TRAPPC3L: variants seen among roughly 807,000 people sequenced by gnomAD.
TRAPPC3L encodes trafficking protein particle complex subunit 3L, also known as trafficking protein particle complex subunit 3-like protein.
In TRAPPC3L, 23 loss-of-function variants were observed where a neutral mutation model predicts 23.7. The ratio of observed to expected loss-of-function variants is 0.97; its 90% confidence interval spans 0.70 to 1.37. TRAPPC3L has a LOEUF of 1.37. Among genes scored for constraint, TRAPPC3L ranks in the 40% most tolerant of loss-of-function variants. The pLI is 0.00. For missense variants in TRAPPC3L, 212 were observed against 216.8 expected, an observed-to-expected ratio of 0.98 and a Z score of 0.14; for synonymous variants, 81 against 77.9, an observed-to-expected ratio of 1.04 and a Z score of -0.21.
At chr6:116,498,717 C>T (rs767226364) in intron 4 of TRAPPC3L, among the ~76,000 whole-genome samples, 5 of 152,124 alleles carry the variant, frequency 3.3e-5, no homozygotes, top group African/African-American at 7.2e-5. Context: ...TTTTCAGGTC[C>T]GGTTTAACTT....
chr6:116,533,599 G>A (rs1772881463), intron 3 of TRAPPC3L, among the ~76,000 whole-genome samples: 2 of 152,228 alleles, frequency 1.3e-5, no homozygotes, highest in Non-Finnish European at 2.9e-5. Context: ...AGGTTGGCTC[G>A]GCTCATGCCT....
intron 3 of TRAPPC3L, among the ~76,000 whole-genome samples, chr6:116,536,114 A>G (rs1050668423): frequency 4.6e-5 from 7 of 152,234 alleles, no homozygotes; most frequent in African/African-American, 1.7e-4. Context: ...GTCTTATTTA[A>G]TATTTGTAGT....
At chr6:116,545,345 C>T in intron 1 of TRAPPC3L, 128 bp downstream of exon 1, 1 of 644,798 alleles carries the variant, frequency 1.6e-6, no homozygotes, top group South Asian at 2.4e-5. Context: ...ATTTATGATT[C>T]ACTTCGCTGA....
chr6:116,539,103 A>T (rs1773276302), intron 3 of TRAPPC3L, among the ~76,000 whole-genome samples: 1 of 152,218 alleles, frequency 6.6e-6, no homozygotes, highest in Non-Finnish European at 1.5e-5. Flanking sequence ...GGGGCTACCA[A>T]CTAGAAATGC....
chr6:116,511,117 T>A (rs962398493), intron 3 of TRAPPC3L, among the ~76,000 whole-genome samples: 10 of 147,538 alleles, frequency 6.8e-5, no homozygotes, highest in Non-Finnish European at 1.3e-4. Flanking sequence ...TATATATATA[T>A]ATATGTATAT....
At chr6:116,504,032 C>T (rs1313422432) in intron 3 of TRAPPC3L, among the ~76,000 whole-genome samples, 1 of 152,082 alleles carries the variant, frequency 6.6e-6, no homozygotes, top group East Asian at 1.9e-4. Context: ...CAGAGCGGAA[C>T]TGAAGGAGAT....
chr6:116,539,177 A>G (rs1773280005), intron 3 of TRAPPC3L, among the ~76,000 whole-genome samples: 2 of 152,218 alleles, frequency 1.3e-5, no homozygotes, highest in Admixed American at 1.3e-4. Flanking sequence ...AACAGCTGGT[A>G]TTCTTGTAGT....
chr6:116,530,985 A>G (rs549601656), intron 3 of TRAPPC3L, among the ~76,000 whole-genome samples: 1 of 147,086 alleles, frequency 6.8e-6, no homozygotes, highest in Non-Finnish European at 1.5e-5. Flanking sequence ...ATATTTGTCA[A>G]TTACTTTGCC....
intron 3 of TRAPPC3L, chr6:116,516,931 T>C (rs1012498474): frequency 6.6e-6 from 1 of 152,444 alleles, no homozygotes; most frequent in African/African-American, 2.4e-5. Context: ...CATAGATAGG[T>C]GGCTTATACA....
chr6:116,516,081 T>A, intron 3 of TRAPPC3L: 1 of 1,448,912 alleles, frequency 6.9e-7, no homozygotes, highest in South Asian at 1.5e-5. Flanking sequence ...GTCTCTGTAT[T>A]TTCTTACATT....
At chr6:116,503,776 TG>T (rs1177795675) in intron 3 of TRAPPC3L, among the ~76,000 whole-genome samples, 1 of 152,040 alleles carries the variant, frequency 6.6e-6, no homozygotes, top group Admixed American at 6.6e-5. Flanking sequence ...ATGACTACTG[TG>T]TAAATAACGA....
chr6:116,538,595 C>T (rs1773236453), intron 3 of TRAPPC3L, among the ~76,000 whole-genome samples: 1 of 152,170 alleles, frequency 6.6e-6, no homozygotes, highest in African/African-American at 2.4e-5. Context: ...TGAAATTATT[C>T]TTCAAATGTT....
intron 3 of TRAPPC3L, among the ~76,000 whole-genome samples, chr6:116,502,677 T>C (rs1266183969): frequency 3.3e-5 from 5 of 152,248 alleles, no homozygotes; most frequent in Non-Finnish European, 5.9e-5. Flanking sequence ...AGCAGATTTC[T>C]TGGCAGAAAC....
chr6:116,515,526 A>G, intron 3 of TRAPPC3L: 1 of 1,443,842 alleles, frequency 6.9e-7, no homozygotes, highest in Non-Finnish European at 9.4e-7. Flanking sequence ...TTAGCTATAC[A>G]CTTCTCAATA....
intron 3 of TRAPPC3L, among the ~76,000 whole-genome samples, chr6:116,527,201 C>T (rs1195013697): frequency 6.6e-6 from 1 of 152,144 alleles, no homozygotes; most frequent in East Asian, 1.9e-4. Flanking sequence ...AAGTGTTCAA[C>T]TCCTTGGGTC....
intron 3 of TRAPPC3L, among the ~76,000 whole-genome samples, chr6:116,514,519 A>G (rs62424360): frequency 0.07 from 10,706 of 152,268 alleles, 441 homozygotes; most frequent in Admixed American, 0.14. Flanking sequence ...TGTGTCCAGT[A>G]TCATTTCATT....
At chr6:116,511,568 C>T (rs1772118631) in intron 3 of TRAPPC3L, 2 of 798,576 alleles carry the variant, frequency 2.5e-6, no homozygotes, top group Admixed American at 2.5e-5. Flanking sequence ...ACATTGTTTC[C>T]TTATCTGGCT....
chr6:116,504,482 A>C (rs959117106), intron 3 of TRAPPC3L, among the ~76,000 whole-genome samples: 2 of 152,192 alleles, frequency 1.3e-5, no homozygotes, highest in Non-Finnish European at 2.9e-5. Context: ...ATTCCTTCTG[A>C]AACTATTCCA....
Position 116,496,771 on chromosome 6 carries a change from C to T in TRAPPC3L, c.*183G>A, listed in dbSNP as rs1002251450. On this transcript the variant is annotated 3_prime_UTR_variant, in exon 5 of 5. Coordinates refer to ENST00000368602, the MANE Select transcript of TRAPPC3L (RefSeq NM_001139444.3). The stretch of plus-strand genomic sequence containing the variant: ...TTTTGTGGACATGAGATTGAAAATG[C>T]GTGATTTATAAGCAAAAGGAAAAAA... The T allele has an allele frequency of 1.4e-5, 11 of 777,998 alleles. No homozygotes were observed. The highest frequency in any genetic ancestry group is 1.9e-5 in the African/African-American group (1 of 53,540). 48.2% of individuals were successfully genotyped at this position (777,998 alleles called of 1,614,324 possible).
Sources: gnomAD v4.1 joint callset for allele counts (sites outside exome capture counted in the v4.1 genomes callset) on GRCh38, gnomAD v4.1.1 for gene constraint, MANE v1.5 for transcripts, NCBI Gene and HGNC (gene_info 2026-07-23, HGNC 2026-07-21) for gene names.